The following TECPR2 variants were observed in gnomAD, a reference collection of about 807,000 sequenced individuals.
The protein encoded by TECPR2 is tectonin beta-propeller repeat containing 2.
Under a neutral mutation model 138.1 loss-of-function variants are expected in TECPR2, and 65 were observed. The observed-to-expected ratio is 0.47, with a 90% CI of 0.39 to 0.58. TECPR2 has a LOEUF of 0.58. Ranked by LOEUF, TECPR2 falls within the 20% of genes least tolerant of loss-of-function variation. The probability of loss-of-function intolerance (pLI) is 0.00; values close to 1 mark genes in which losing one functional copy is unlikely to be tolerated. For synonymous variants in TECPR2, 746 were observed against 749.8 expected, an observed-to-expected ratio of 0.99 and a Z score of 0.08; for missense variants, 1,553 against 1,824.5, an observed-to-expected ratio of 0.85 and a Z score of 2.71.
At chr14:102,485,927 G>A (rs918501751) in intron 17 of TECPR2, among the ~76,000 whole-genome samples, 7 of 152,234 alleles carry the variant, frequency 4.6e-5, no homozygotes, top group Non-Finnish European at 4.4e-5. Context: ...TAGCCATGGC[G>A]CAGTCGTTGG....
At chr14:102,416,614 G>A (rs1012852374) in intron 5 of TECPR2, among the ~76,000 whole-genome samples, 3 of 152,240 alleles carry the variant, frequency 2.0e-5, no homozygotes, top group Non-Finnish European at 4.4e-5. Flanking sequence ...GTCTTGGAAG[G>A]AAGGCAGAGT....
intron 16 of TECPR2, among the ~76,000 whole-genome samples, chr14:102,457,709 C>A (rs1353599867): frequency 6.6e-6 from 1 of 151,958 alleles, no homozygotes; most frequent in Non-Finnish European, 1.5e-5. Flanking sequence ...TAGCAAGACC[C>A]CATCTCTAAA....
intron 2 of TECPR2, 53 bp downstream of exon 2, chr14:102,376,993 T>A: frequency 6.4e-7 from 1 of 1,554,342 alleles, no homozygotes. Flanking sequence ...AGCTGACGCT[T>A]AACATGCTTG....
Position 102,445,867 on chromosome 14 carries a change from C to T in TECPR2, c.2995C>T (p.Leu999=), listed in dbSNP as rs748256563. ...TLGDQQTLWA[L]DIHGNLWFRT... ...CGGGGATCAGCAGACTCTCTGGGCC[C>T]TGGACATCCATGGGAACCTGTGGTT... The change falls in exon 13 of 20, where the codon CTG becomes TTG. Residue 999 remains leucine, a synonymous_variant. Transcript: ENST00000359520. 1.2e-6 allele frequency: 2 copies of T among 1,613,816 alleles called. No homozygotes were observed. The highest frequency in any genetic ancestry group is 8.5e-7 in the Non-Finnish European group (1 of 1,180,002).
intron 16 of TECPR2, among the ~76,000 whole-genome samples, chr14:102,464,755 G>A (rs1431319270): frequency 6.6e-6 from 1 of 152,118 alleles, no homozygotes; most frequent in African/African-American, 2.4e-5. Context: ...AGAATTTGCT[G>A]GCATTAGTCA....
intron 2 of TECPR2, among the ~76,000 whole-genome samples, chr14:102,381,645 A>G (rs1180718273): frequency 6.6e-6 from 1 of 152,228 alleles, no homozygotes; most frequent in Non-Finnish European, 1.5e-5. Context: ...CTATCAAGAA[A>G]GGTGAAATGA....
At chr14:102,364,401 G>A (rs1887284914) in intron 1 of TECPR2, among the ~76,000 whole-genome samples, 1 of 152,214 alleles carries the variant, frequency 6.6e-6, no homozygotes, top group Non-Finnish European at 1.5e-5. Context: ...CCAGCACTGT[G>A]CCAGGCTGGC....
intron 5 of TECPR2, among the ~76,000 whole-genome samples, chr14:102,422,078 C>G (rs752064537): frequency 6.6e-6 from 1 of 152,164 alleles, no homozygotes; most frequent in Non-Finnish European, 1.5e-5. Flanking sequence ...GTCTTCTAAA[C>G]TTGAATATGC....
chr14:102,480,014 G>GT (rs1890852514), intron 17 of TECPR2, among the ~76,000 whole-genome samples: 1 of 152,148 alleles, frequency 6.6e-6, no homozygotes. Flanking sequence ...ACTAATACTT[G>GT]TTTTTTGCCT....
intron 13 of TECPR2, 130 bp downstream of exon 13, chr14:102,446,077 T>C: frequency 1.6e-6 from 2 of 1,215,968 alleles, no homozygotes; most frequent in South Asian, 1.7e-5. Flanking sequence ...TATTTGTTTG[T>C]TTGTTTTGAA....
intron 5 of TECPR2, among the ~76,000 whole-genome samples, chr14:102,417,532 G>A (rs544567873): frequency 6.6e-6 from 1 of 152,232 alleles, no homozygotes; most frequent in Non-Finnish European, 1.5e-5. Flanking sequence ...ATTTGGATAG[G>A]ATGGTCAGGA....
At chr14:102,472,967 C>T (rs1338708017) in intron 17 of TECPR2, among the ~76,000 whole-genome samples, 2 of 152,260 alleles carry the variant, frequency 1.3e-5, no homozygotes, top group African/African-American at 2.4e-5. Context: ...GCCAGGCGCT[C>T]GCCTTGTGCC....
chr14:102,483,426 G>A (rs1890940320), intron 17 of TECPR2, among the ~76,000 whole-genome samples: 1 of 143,098 alleles, frequency 7.0e-6, no homozygotes, highest in Non-Finnish European at 1.5e-5. Context: ...GTTTTTTGTT[G>A]TTGTGGGGTT....
chr14:102,407,524 T>TA (rs765232532), intron 3 of TECPR2, 58 bp downstream of exon 3: 7 of 1,529,048 alleles, frequency 4.6e-6, no homozygotes, highest in Non-Finnish European at 6.1e-6. Flanking sequence ...CATGGATTTT[T>TA]AAAATTAGAA....
At chr14:102,489,747 G>A (rs1257893951) in intron 17 of TECPR2, among the ~76,000 whole-genome samples, 1 of 151,322 alleles carries the variant, frequency 6.6e-6, no homozygotes, top group Non-Finnish European at 1.5e-5. Context: ...GGCCCTGAGT[G>A]ATACGTGCTC....
At chr14:102,492,936 T>C (rs1891187628) in intron 17 of TECPR2, among the ~76,000 whole-genome samples, 1 of 152,230 alleles carries the variant, frequency 6.6e-6, no homozygotes, top group Admixed American at 6.5e-5. Flanking sequence ...GGAAGTTTTA[T>C]GTTCCAGAGA....
At chr14:102,441,071 C>T (rs1192666351) in intron 11 of TECPR2, among the ~76,000 whole-genome samples, 2 of 151,818 alleles carry the variant, frequency 1.3e-5, no homozygotes, top group Non-Finnish European at 2.9e-5. Flanking sequence ...ATAATTTGCT[C>T]TTTTTTATTT....
intron 17 of TECPR2, among the ~76,000 whole-genome samples, chr14:102,491,311 G>T (rs1891155365): frequency 6.6e-6 from 1 of 152,122 alleles, no homozygotes; most frequent in African/African-American, 2.4e-5. Context: ...AAACTCCTGG[G>T]CTCAAGTTAT....
At chr14:102,474,025 A>G (rs1217792114) in intron 17 of TECPR2, among the ~76,000 whole-genome samples, 1 of 152,186 alleles carries the variant, frequency 6.6e-6, no homozygotes, top group Non-Finnish European at 1.5e-5. Context: ...TGGGAGGCCA[A>G]AGTGGGAGGA....
Sources: allele counts gnomAD v4.1 joint callset (sites outside exome capture counted in the v4.1 genomes callset), GRCh38; gene constraint gnomAD v4.1.1; transcripts MANE v1.5; gene names NCBI Gene and HGNC (gene_info 2026-07-23, HGNC 2026-07-21).